PRDM1: variants seen among roughly 807,000 people sequenced by gnomAD.
PRDM1 encodes PR/SET domain 1, also known as PR domain zinc finger protein 1.
A neutral mutation model predicts 62.8 loss-of-function variants in PRDM1; 13 were observed. The ratio of observed to expected loss-of-function variants is 0.21; its 90% CI spans 0.13 to 0.33. PRDM1 has a LOEUF of 0.33. Ranked by LOEUF, PRDM1 falls within the 10% of genes least tolerant of loss-of-function variation. The pLI is 1.00. For synonymous variants in PRDM1, 396 were observed against 417.6 expected (o/e 0.95, Z 0.63); for missense variants, 895 against 1,058.8 (o/e 0.85, Z 2.15).
intron 1 of PRDM1, among the ~76,000 whole-genome samples, chr6:106,022,953 A>C (rs992168769): frequency 2.0e-5 from 3 of 152,174 alleles, no homozygotes; most frequent in Admixed American, 6.5e-5. Flanking sequence ...TTTGCCCTTC[A>C]GTCTAAATGG....
Position 106,107,084 on chromosome 6 carries a change from C to T in PRDM1, c.2076C>T (p.Cys692=), listed in dbSNP as rs766641977. Residue 692 remains cysteine (C), a synonymous_variant, in exon 7 of 7, where the codon TGC becomes TGT. Transcript: ENST00000369096. ...TRERPHKCSQ[C]HKNYIHLCSL... Reference sequence around the variant, plus strand: ...AGCGGCCCCACAAGTGCTCCCAGTGCCACAAGAACTACATCCATCTCTGTA... The same window carrying T: ...AGCGGCCCCACAAGTGCTCCCAGTGTCACAAGAACTACATCCATCTCTGTA... 1 of 1,614,240 alleles carries T rather than the reference C, an allele frequency of 6.2e-7. No individual in the cohort carries two copies. Among genetic ancestry groups the T allele is most frequent in the South Asian group, 1.1e-5 (1 of 91,092 alleles).
At chr6:106,069,206 C>A (rs1562158594) in intron 1 of PRDM1, among the ~76,000 whole-genome samples, 1 of 152,146 alleles carries the variant, frequency 6.6e-6, no homozygotes, top group Non-Finnish European at 1.5e-5. Context: ...AAAACACATA[C>A]AGTTGAGAAC....
chr6:106,055,862 CTGT>C (rs1305063565), intron 1 of PRDM1, among the ~76,000 whole-genome samples: 5 of 152,162 alleles, frequency 3.3e-5, no homozygotes, highest in Admixed American at 2.6e-4. Context: ...GCAAACGTGC[CTGT>C]TGTTACTTCA....
intron 1 of PRDM1, among the ~76,000 whole-genome samples, chr6:106,026,776 C>A (rs1438715781): frequency 2.6e-5 from 4 of 152,006 alleles, no homozygotes. Context: ...AGAAAGGAGA[C>A]CATAGAATAA....
At chr6:106,055,377 T>A (rs1364839031) in intron 1 of PRDM1, among the ~76,000 whole-genome samples, 3 of 152,208 alleles carry the variant, frequency 2.0e-5, no homozygotes, top group South Asian at 4.1e-4. Flanking sequence ...ACATGAGAGA[T>A]ATTATTAATC....
Position 106,099,113 on chromosome 6 carries a change from C to A in PRDM1, c.412-187C>A, listed in dbSNP as rs891379005. The A allele has an allele frequency of 1.9e-6, 3 of 1,613,328 alleles. No homozygotes were observed. In the African/African-American group the frequency reaches 4.0e-5, roughly 22 times the overall value. ...GGAAAAGGTAACTGACAAAAGTGTG[C>A]CTTACCTGTTTCCGCCCTGATTTCT... On this transcript the variant is annotated intron_variant, in intron 3 of 6. Transcript: ENST00000369096.
chr6:106,039,297 A>C (rs1049314368), intron 1 of PRDM1, among the ~76,000 whole-genome samples: 1 of 152,158 alleles, frequency 6.6e-6, no homozygotes, highest in Non-Finnish European at 1.5e-5. Context: ...ATAGACAGAG[A>C]GCCTTTTTGT....
upstream of PRDM1, among the ~76,000 whole-genome samples, chr6:106,084,632 G>T (rs1164666584): frequency 6.6e-6 from 1 of 152,184 alleles, no homozygotes; most frequent in Non-Finnish European, 1.5e-5. Flanking sequence ...CAGCAGGCCA[G>T]CCTTCAGTAT....
chr6:106,016,975 C>T lies in PRDM1; in HGVS notation c.-67+23336C>T, dbSNP rs538503887. Among the ~76,000 whole-genome samples, 166 of 152,120 alleles carry T rather than the reference C, an allele frequency of 1.1e-3. 2 individuals are homozygous for T. The highest frequency in any genetic ancestry group is 9.8e-3 in the Admixed American group (149 of 15,278). On this transcript the variant is annotated intron_variant, in intron 1 of 6. Transcript: ENST00000652320. ...CCGCACAGATGTTTTTCAAGAAATACGTTGGAAATTTTTTGGAGATTTGCA... is the reference window on the plus strand; with the variant it reads ...CCGCACAGATGTTTTTCAAGAAATATGTTGGAAATTTTTTGGAGATTTGCA...
intron 1 of PRDM1, among the ~76,000 whole-genome samples, chr6:106,059,047 C>G (rs1022981355): frequency 6.6e-6 from 1 of 152,176 alleles, no homozygotes; most frequent in African/African-American, 2.4e-5. Context: ...ATGTATCAAG[C>G]ATTGTCCTAA....
At chr6:106,104,749 A>AG in intron 4 of PRDM1, 76 bp from the exon 5 acceptor site, 1 of 1,488,996 alleles carries the variant, frequency 6.7e-7, no homozygotes, top group Non-Finnish European at 9.0e-7. Context: ...TTTCTCAAGA[A>AG]GGAGGAGCAA....
At chr6:106,008,080 G>T (rs1336882399) in intron 1 of PRDM1, among the ~76,000 whole-genome samples, 1 of 152,124 alleles carries the variant, frequency 6.6e-6, no homozygotes. Context: ...TTTAAGAAAT[G>T]GTCCCAGTGG....
At chr6:106,095,464 A>G in intron 2 of PRDM1, 151 bp from the exon 3 acceptor site, 1 of 798,198 alleles carries the variant, frequency 1.3e-6, no homozygotes, top group African/African-American at 1.7e-5. Context: ...GAAGCTTGTT[A>G]ATTATGTAGG....
intron 1 of PRDM1, among the ~76,000 whole-genome samples, chr6:106,000,731 A>G (rs1182693146): frequency 6.6e-6 from 1 of 152,192 alleles, no homozygotes; most frequent in East Asian, 1.9e-4. Flanking sequence ...TCATACTGAT[A>G]TATGTTGCTT....
At chr6:106,012,210 C>G (rs532907422) in intron 1 of PRDM1, among the ~76,000 whole-genome samples, 90 of 133,892 alleles carry the variant, frequency 6.7e-4, no homozygotes, top group Admixed American at 2.7e-3. Context: ...ACACACCACA[C>G]TCCTCCACAT....
intron 1 of PRDM1, among the ~76,000 whole-genome samples, chr6:106,011,986 C>A (rs920110798): frequency 6.7e-6 from 1 of 150,246 alleles, no homozygotes; most frequent in Non-Finnish European, 1.5e-5. Context: ...ATACCACACA[C>A]ACCACACTCC....
rs552268074 is a variant in PRDM1, at chr6:105,995,317, G to C, written c.-67+1678G>C. Among the ~76,000 whole-genome samples, 76 of 152,158 alleles carry C rather than the reference G, an allele frequency of 5.0e-4. 1 individual carries two copies. The highest frequency in any genetic ancestry group is 1.1e-3 in the Non-Finnish European group (72 of 68,038). On this transcript the variant is annotated intron_variant, in intron 1 of 6. Transcript: ENST00000652320. ...GGCACTCTGGGGGACGTTCTCATAAGGCTTTTTTTCTTTTCTTTTCTACCT... is the reference window on the plus strand; with the variant it reads ...GGCACTCTGGGGGACGTTCTCATAACGCTTTTTTTCTTTTCTTTTCTACCT...
intron 1 of PRDM1, among the ~76,000 whole-genome samples, chr6:106,036,845 G>T (rs898998350): frequency 2.0e-5 from 3 of 151,996 alleles, no homozygotes; most frequent in Admixed American, 2.0e-4. Context: ...ATGGGGTCTT[G>T]CCCAGTTGCC....
intron 1 of PRDM1, among the ~76,000 whole-genome samples, chr6:106,071,673 C>A (rs930385667): frequency 6.6e-6 from 1 of 152,148 alleles, no homozygotes; most frequent in African/African-American, 2.4e-5. Flanking sequence ...CCTCATTATC[C>A]CAGTTCTTTG....
Sources: gnomAD v4.1 joint callset for allele counts (sites outside exome capture counted in the v4.1 genomes callset) on GRCh38, gnomAD v4.1.1 for gene constraint, MANE v1.5 for transcripts, NCBI Gene and HGNC (gene_info 2026-07-23, HGNC 2026-07-21) for gene names.